The following CNTN5 variants were observed in gnomAD, a reference collection of about 807,000 sequenced individuals.
CNTN5 encodes the protein contactin 5.
CNTN5 carries 77 observed loss-of-function variants against 129.1 expected under a neutral mutation model. The ratio of observed to expected loss-of-function variants is 0.60; its 90% CI spans 0.50 to 0.72. The LOEUF is 0.72. CNTN5 is among the 30% of genes least tolerant of loss of function. CNTN5 has a pLI of 0.00. For synonymous variants in CNTN5, 509 were observed against 465.6 expected (o/e 1.09, Z -1.20); for missense variants, 1,478 against 1,328.8 (o/e 1.11, Z -1.75).
At chr11:100,047,530 A>C (rs949681302) in intron 9 of CNTN5, among the ~76,000 whole-genome samples, 1 of 152,214 alleles carries the variant, frequency 6.6e-6, no homozygotes, top group African/African-American at 2.4e-5. Context: ...AAAAGAATAT[A>C]TGGACTATAA....
intron 3 of CNTN5, among the ~76,000 whole-genome samples, chr11:99,596,174 C>A (rs1048993445): frequency 3.3e-5 from 5 of 152,052 alleles, no homozygotes; most frequent in African/African-American, 1.2e-4. Context: ...AATTTTGGAG[C>A]CACTTCAGGA....
intron 2 of CNTN5, among the ~76,000 whole-genome samples, chr11:99,494,138 G>A (rs777217477): frequency 7.2e-5 from 11 of 151,992 alleles, no homozygotes; most frequent in African/African-American, 2.2e-4. Context: ...CAGAGCTTTC[G>A]AATTCTCCCC....
intron 8 of CNTN5, among the ~76,000 whole-genome samples, chr11:99,997,009 C>G (rs928539810): frequency 1.3e-5 from 2 of 152,132 alleles, no homozygotes; most frequent in African/African-American, 4.8e-5. Flanking sequence ...CGACCCCTCC[C>G]AAATCTCACA....
chr11:100,328,882 C>G (rs1951843235), intron 21 of CNTN5, among the ~76,000 whole-genome samples: 1 of 152,148 alleles, frequency 6.6e-6, no homozygotes, highest in African/African-American at 2.4e-5. Context: ...AACTTGTGCT[C>G]CAAGAACTAC....
In CNTN5 at chr11:99,408,566, G is replaced by A. The variant is rs1017627588; in HGVS notation, c.-71+83082G>A. On this transcript the variant is annotated intron_variant, in intron 2 of 24. Transcript: ENST00000524871. ...CTGGGCTGACCTCAAAATCCTGACC[G>A]CAAGGCATCCTCCTGCCTCGGCCTC... Among the ~76,000 whole-genome samples the A allele has an allele frequency of 5.9e-5, 9 of 151,980 alleles. No individual in the cohort carries two copies. In the South Asian group the frequency reaches 6.2e-4, roughly 11 times the overall value.
intron 16 of CNTN5, among the ~76,000 whole-genome samples, chr11:100,250,626 G>A (rs1447776714): frequency 2.6e-5 from 4 of 151,924 alleles, no homozygotes; most frequent in Non-Finnish European, 5.9e-5. Context: ...TCAGTACCTT[G>A]GTTATATAAA....
intron 1 of CNTN5, among the ~76,000 whole-genome samples, chr11:99,194,675 G>A (rs190247163): frequency 3.1e-4 from 47 of 152,040 alleles, no homozygotes; most frequent in African/African-American, 1.1e-3. Context: ...GCCCGATCTC[G>A]GCTCACTGCA....
At chr11:99,894,432 A>G (rs1485357111) in intron 6 of CNTN5, among the ~76,000 whole-genome samples, 1 of 151,024 alleles carries the variant, frequency 6.6e-6, no homozygotes, top group Non-Finnish European at 1.5e-5. Flanking sequence ...TTTTTTCACA[A>G]GCTATTTTTG....
intron 1 of CNTN5, among the ~76,000 whole-genome samples, chr11:99,153,236 G>A (rs1332665959): frequency 2.0e-5 from 3 of 152,164 alleles, no homozygotes. Context: ...CCGAAACATA[G>A]TTTCCAAGTT....
chr11:100,040,911 C>T (rs942024823), intron 9 of CNTN5, among the ~76,000 whole-genome samples: 1 of 152,178 alleles, frequency 6.6e-6, no homozygotes, highest in Non-Finnish European at 1.5e-5. Flanking sequence ...AATTCCCTGA[C>T]CCCTTGTGCT....
chr11:99,757,551 C>A (rs944333619), intron 3 of CNTN5, among the ~76,000 whole-genome samples: 1 of 151,920 alleles, frequency 6.6e-6, no homozygotes, highest in African/African-American at 2.4e-5. Flanking sequence ...TTATAAGGAC[C>A]CATACTATAA....
chr11:99,022,894 G>A (rs1445429798), intron 1 of CNTN5, among the ~76,000 whole-genome samples: 3 of 152,130 alleles, frequency 2.0e-5, no homozygotes, highest in Admixed American at 6.5e-5. Flanking sequence ...GAGAAAGGAG[G>A]AGAAAAACTG....
In CNTN5 at chr11:100,342,152, G is replaced by GACACACACACACACACACAC. The variant is rs3220443; in HGVS notation, c.3030+959_3030+978dup. Among the ~76,000 whole-genome samples, 1,244 of 146,982 alleles carry GACACACACACACACACACAC rather than the reference G, an allele frequency of 8.5e-3. 21 individuals carry two copies. The highest frequency in any genetic ancestry group is 0.029 in the African/African-American group (1,163 of 39,644). The stretch of plus-strand genomic sequence containing the variant: ...CCTACTGTAATTAGGATAGATCACA[G>GACACACACACACACACACAC]ACACACACACACACACACACACACA... On this transcript the variant is annotated intron_variant, in intron 23 of 24. Coordinates refer to ENST00000524871, the MANE Select transcript of CNTN5 (RefSeq NM_014361.4).
intron 3 of CNTN5, among the ~76,000 whole-genome samples, chr11:99,572,692 A>G (rs1949212549): frequency 6.6e-6 from 1 of 152,184 alleles, no homozygotes; most frequent in African/African-American, 2.4e-5. Context: ...GATCTATTAT[A>G]CTGTAAGTCA....
intron 1 of CNTN5, among the ~76,000 whole-genome samples, chr11:99,277,732 T>C (rs1256882199): frequency 6.6e-6 from 1 of 151,762 alleles, no homozygotes. Flanking sequence ...TGATTTGTAT[T>C]TTAAATATAG....
At chr11:100,121,291 G>C (rs1482041613) in intron 13 of CNTN5, among the ~76,000 whole-genome samples, 1 of 152,054 alleles carries the variant, frequency 6.6e-6, no homozygotes, top group Non-Finnish European at 1.5e-5. Flanking sequence ...AAGACTATTG[G>C]ATCCATAAAG....
At chr11:99,935,327 T>C (rs1276455705) in intron 7 of CNTN5, among the ~76,000 whole-genome samples, 2 of 151,968 alleles carry the variant, frequency 1.3e-5, no homozygotes, top group Non-Finnish European at 2.9e-5. Context: ...AGAAGATAAG[T>C]TAGTTTATTA....
intron 9 of CNTN5, among the ~76,000 whole-genome samples, chr11:100,040,335 G>C (rs1942296758): frequency 6.6e-6 from 1 of 152,154 alleles, no homozygotes; most frequent in Non-Finnish European, 1.5e-5. Context: ...TGGAAGTTTT[G>C]TCTCAGAAGA....
chr11:99,762,904 C>T (rs1452322247), intron 3 of CNTN5, among the ~76,000 whole-genome samples: 3 of 152,098 alleles, frequency 2.0e-5, no homozygotes, highest in Non-Finnish European at 4.4e-5. Context: ...CTTGTGAATT[C>T]ATGGGAACAC....
Sources: allele counts gnomAD v4.1 joint callset (sites outside exome capture counted in the v4.1 genomes callset), GRCh38; gene constraint gnomAD v4.1.1; transcripts MANE v1.5; gene names NCBI Gene and HGNC (gene_info 2026-07-23, HGNC 2026-07-21).